The following PDE10A variants were observed in gnomAD, a reference collection of about 807,000 sequenced individuals.
PDE10A encodes cAMP and cAMP-inhibited cGMP 3',5'-cyclic phosphodiesterase 10A.
A neutral mutation model predicts 97.7 loss-of-function variants in PDE10A; 39 were observed. The ratio of observed to expected loss-of-function variants is 0.40; its 90% CI spans 0.31 to 0.52. PDE10A has a LOEUF of 0.52. PDE10A is among the 20% of genes least tolerant of loss of function. PDE10A has a pLI of 0.56. For synonymous variants in PDE10A, 371 were observed against 376.8 expected (o/e 0.98, Z 0.18); for missense variants, 731 against 1,047.8 (o/e 0.70, Z 4.17).
intron 1 of PDE10A, among the ~76,000 whole-genome samples, chr6:165,893,212 G>C (rs1781851497): frequency 6.6e-6 from 1 of 152,192 alleles, no homozygotes; most frequent in African/African-American, 2.4e-5. Flanking sequence ...TCAAAATCAG[G>C]AAATAAGCAT....
chr6:165,643,362 T>C (rs9348026), intron 1 of PDE10A, among the ~76,000 whole-genome samples: 24,401 of 151,968 alleles, frequency 0.16, 2,197 homozygotes, highest in South Asian at 0.25. Context: ...GCTGACTTAG[T>C]GAAATAAAGA....
intron 1 of PDE10A, among the ~76,000 whole-genome samples, chr6:165,929,377 G>GAT (rs1163622510): frequency 6.6e-6 from 1 of 152,162 alleles, no homozygotes; most frequent in Non-Finnish European, 1.5e-5. Flanking sequence ...AAGCAGAGTG[G>GAT]ATACCTAGGC....
chr6:165,968,307 C>T (rs1784572017), intron 1 of PDE10A, among the ~76,000 whole-genome samples: 1 of 152,336 alleles, frequency 6.6e-6, no homozygotes, highest in East Asian at 1.9e-4. Flanking sequence ...GTATTTTACA[C>T]AGTATTGACA....
intron 1 of PDE10A, among the ~76,000 whole-genome samples, chr6:165,580,824 C>G (rs1280153583): frequency 1.3e-5 from 2 of 150,080 alleles, no homozygotes; most frequent in African/African-American, 4.9e-5. Flanking sequence ...CGGTAAGTCT[C>G]CTACCCAACG....
rs557758940 is a variant in PDE10A, at chr6:165,533,268, T to C, written c.994+10172A>G. Among the ~76,000 whole-genome samples the C allele has an allele frequency of 3.0e-4, 46 of 152,264 alleles. No individual in the cohort carries two copies. In the South Asian group the frequency reaches 3.1e-3, roughly 10 times the overall value. ...TATGTCACTTAATGGTGAGATACAG[T>C]CTGAGAAACGCATTGTTGTAATTCA... On this transcript the variant is annotated intron_variant, in intron 2 of 21. Transcript: ENST00000539869.
chr6:165,842,486 G>C (rs115152856), intron 1 of PDE10A, among the ~76,000 whole-genome samples: 1 of 152,208 alleles, frequency 6.6e-6, no homozygotes, highest in Non-Finnish European at 1.5e-5. Context: ...CAGCAGCCCA[G>C]CACCCACTGA....
chr6:165,413,793 C>T (rs1026479338), intron 12 of PDE10A, 106 bp from the exon 13 acceptor site: 2 of 810,296 alleles, frequency 2.5e-6, no homozygotes, highest in African/African-American at 1.7e-5. Flanking sequence ...TTTACATATG[C>T]TTCTATTGCA....
At chr6:165,749,029 T>C (rs893465768) in intron 1 of PDE10A, among the ~76,000 whole-genome samples, 3 of 152,358 alleles carry the variant, frequency 2.0e-5, no homozygotes, top group African/African-American at 7.2e-5. Flanking sequence ...AAATTGCTAC[T>C]AATTTAATAT....
chr6:165,712,631 CTTTTTTTTTTTTTTTTT>C (rs71675206), intron 1 of PDE10A, among the ~76,000 whole-genome samples: 1 of 88,972 alleles, frequency 1.1e-5, no homozygotes, highest in Non-Finnish European at 2.1e-5. Flanking sequence ...AACTTTCTTT[CTTTTTTTTTTTTTTTTT>C]TTTTTTTTTG....
At chr6:165,701,145 C>T (rs1274293332) in intron 1 of PDE10A, among the ~76,000 whole-genome samples, 2 of 152,168 alleles carry the variant, frequency 1.3e-5, no homozygotes, top group African/African-American at 2.4e-5. Context: ...TATAAATAGA[C>T]AAAAGTTATT....
intron 19 of PDE10A, among the ~76,000 whole-genome samples, chr6:165,342,066 T>C (rs1340688724): frequency 6.6e-6 from 1 of 152,186 alleles, no homozygotes; most frequent in African/African-American, 2.4e-5. Context: ...AGTCTATAAG[T>C]GTGTATATAA....
intron 1 of PDE10A, among the ~76,000 whole-genome samples, chr6:165,897,334 C>A (rs912635797): frequency 1.3e-5 from 2 of 151,990 alleles, no homozygotes; most frequent in Non-Finnish European, 2.9e-5. Flanking sequence ...GGATGAAACA[C>A]CTGGGGAGGG....
chr6:165,648,718 C>T (rs1789530877), intron 1 of PDE10A, among the ~76,000 whole-genome samples: 2 of 152,180 alleles, frequency 1.3e-5, no homozygotes, highest in East Asian at 3.9e-4. Context: ...GATTTCCTAA[C>T]GATGGCCCTC....
intron 16 of PDE10A, among the ~76,000 whole-genome samples, chr6:165,391,127 G>A (rs1017244405): frequency 2.0e-5 from 3 of 152,126 alleles, no homozygotes; most frequent in African/African-American, 7.2e-5. Flanking sequence ...TGAAAATAAT[G>A]TATAAAGAAT....
chr6:165,624,281 T>C lies in PDE10A; in HGVS notation c.865+37666A>G, dbSNP rs149446389. On this transcript the variant is annotated intron_variant, in intron 1 of 21. Transcript: ENST00000539869. The stretch of plus-strand genomic sequence containing the variant: ...TCTCTCTCGCTCCCCACCCAACCCA[T>C]GTACATCCATCTTCCTAAAACACTT... Among the ~76,000 whole-genome samples, 192 of 152,300 alleles carry C rather than the reference T, an allele frequency of 1.3e-3. 2 individuals carry two copies. The Middle Eastern group carries it at 0.02, about 16-fold the overall frequency.
chr6:165,389,790 T>C (rs768670184), intron 16 of PDE10A, among the ~76,000 whole-genome samples: 5 of 152,012 alleles, frequency 3.3e-5, no homozygotes, highest in Admixed American at 1.3e-4. Flanking sequence ...TAGTTTGAGG[T>C]TGGAGGAGGG....
chr6:165,378,058 T>C (rs1339633524), intron 18 of PDE10A, among the ~76,000 whole-genome samples: 1 of 152,222 alleles, frequency 6.6e-6, no homozygotes, highest in Non-Finnish European at 1.5e-5. Context: ...TGAAGGTAAG[T>C]TGAATCACAA....
At chr6:165,446,303 G>A (rs1337221748) in intron 5 of PDE10A, among the ~76,000 whole-genome samples, 1 of 152,070 alleles carries the variant, frequency 6.6e-6, no homozygotes, top group African/African-American at 2.4e-5. Context: ...CATTTCAGAT[G>A]GAAGAAAAAT....
At chr6:165,675,893 T>G (rs1424498169) in intron 1 of PDE10A, among the ~76,000 whole-genome samples, 3 of 152,192 alleles carry the variant, frequency 2.0e-5, no homozygotes, top group Non-Finnish European at 4.4e-5. Context: ...TTACTGGGTA[T>G]CTACCCAAAG....
Sources: allele counts gnomAD v4.1 joint callset (sites outside exome capture counted in the v4.1 genomes callset), GRCh38; gene constraint gnomAD v4.1.1; transcripts MANE v1.5; gene names NCBI Gene and HGNC (gene_info 2026-07-23, HGNC 2026-07-21).